Variants in WDR11 observed in about 807,000 individuals in gnomAD.
WDR11 encodes WD repeat domain 11.
In WDR11, 83 loss-of-function variants were observed where a neutral mutation model predicts 151.2. The observed-to-expected ratio is 0.55, with a 90% CI of 0.46 to 0.66. WDR11 has a LOEUF of 0.66. Among genes scored for constraint, WDR11 ranks in the 30% least tolerant of loss-of-function variants. WDR11 has a pLI of 0.00. For synonymous variants in WDR11, 484 were observed against 533.1 expected, an observed-to-expected ratio of 0.91 and a Z score of 1.27; for missense variants, 1,301 against 1,480.9, an observed-to-expected ratio of 0.88 and a Z score of 1.99.
intron 11 of WDR11, 24 bp from the exon 12 acceptor site, chr10:120,878,328 AC>A: frequency 6.5e-7 from 1 of 1,534,486 alleles, no homozygotes; most frequent in Non-Finnish European, 9.0e-7. Flanking sequence ...AATTAGTTTA[AC>A]CTTTATCTCA....
Position 120,866,673 on chromosome 10 carries a change from A to T in WDR11, c.1099A>T (p.Asn367Tyr). ...RPFSMVCCPVNENAAALVVSD... is the reference protein window; with the variant it reads ...RPFSMVCCPVYENAAALVVSD... Reference sequence around the variant, plus strand: ...CTTCAGTATGGTGTGCTGTCCTGTCAATGAGAATGCAGCCGCCCTCGTAGT... The same window carrying T: ...CTTCAGTATGGTGTGCTGTCCTGTCTATGAGAATGCAGCCGCCCTCGTAGT... The change falls in exon 8 of 29, where the codon AAT becomes TAT. Residue 367 changes from asparagine (N) to tyrosine (Y), a missense_variant. This residue lies in a region of WDR11 where 692 missense variants were observed against 762.5 expected (regional missense o/e 0.91). Coordinates refer to ENST00000263461, the MANE Select transcript of WDR11 (RefSeq NM_018117.12). 3 of 1,614,186 alleles carry T rather than the reference A, an allele frequency of 1.9e-6. No homozygotes were observed. Among genetic ancestry groups the T allele is most frequent in the Non-Finnish European group, 2.5e-6 (3 of 1,180,034 alleles).
intron 2 of WDR11, 104 bp from the exon 3 acceptor site, chr10:120,858,539 A>T: frequency 7.5e-7 from 1 of 1,339,302 alleles, no homozygotes; most frequent in Non-Finnish European, 1.1e-6. Context: ...CTAAATGTTT[A>T]TGTAATATAA....
chr10:120,878,616 G>T (rs565178892), intron 12 of WDR11, among the ~76,000 whole-genome samples, 157 bp downstream of exon 12: 8 of 152,088 alleles, frequency 5.3e-5, no homozygotes, highest in Non-Finnish European at 1.0e-4. Flanking sequence ...CCCTAGAAAG[G>T]CCTCATCATT....
chr10:120,873,839 G>A lies in WDR11; in HGVS notation c.1472G>A (p.Gly491Asp), dbSNP rs556654077. The part of the protein sequence containing the change: ...IKMYQPLLAV[G>D]TSNGSVLVYH... ...CTCTTCCATGATGTCATTTTGAAAG[G>A]TACAAGTAATGGTTCTGTCCTGGTG... The change falls in exon 11 of 29, where the codon GGT becomes GAT. Residue 491 changes from glycine to aspartate, a missense_variant and splice_region_variant. This residue lies in a region of WDR11 where 692 missense variants were observed against 762.5 expected (regional missense o/e 0.91). Coordinates refer to ENST00000263461, the MANE Select transcript of WDR11 (RefSeq NM_018117.12). The A allele has an allele frequency of 6.2e-7, 1 of 1,609,244 alleles. No homozygotes were observed. The highest frequency in any genetic ancestry group is 1.1e-5 in the South Asian group (1 of 90,966).
chr10:120,857,451 A>G (rs1186791801), intron 2 of WDR11, among the ~76,000 whole-genome samples: 1 of 152,206 alleles, frequency 6.6e-6, no homozygotes, highest in Admixed American at 6.5e-5. Flanking sequence ...ACACATATAT[A>G]CACTATACAT....
At chr10:120,874,215 TTGTTTTGTTTTG>T (rs1846671136) in intron 11 of WDR11, among the ~76,000 whole-genome samples, 1 of 126,396 alleles carries the variant, frequency 7.9e-6, no homozygotes, top group South Asian at 2.4e-4. Flanking sequence ...GTTGTTTGTT[TTGTTTTGTTTTG>T]TTTTTTTTAA....
In WDR11 at chr10:120,867,122, G is replaced by A; in HGVS notation, c.1247G>A (p.Gly416Glu). The A allele has an allele frequency of 6.2e-7, 1 of 1,613,770 alleles. No individual in the cohort carries two copies. Among genetic ancestry groups the A allele is most frequent in the South Asian group, 1.1e-5 (1 of 91,060 alleles). The part of the protein sequence containing the change: ...SPVSFCGIPV[G>E]VLQNKLPDLS... ...GTGTCTTTCTGTGGAATTCCTGTAG[G>A]AGTGCTACAGAATAAACTCCCAGAC... Residue 416 changes from glycine to glutamate, a missense_variant, in exon 9 of 29, where the codon GGA (glycine) becomes GAA (glutamate). Around this residue, in one of 3 missense-constraint regions of WDR11, gnomAD observed 692 missense variants for 762.5 expected, o/e 0.91. Transcript: ENST00000263461.
intron 11 of WDR11, among the ~76,000 whole-genome samples, chr10:120,876,121 G>A (rs1846776833): frequency 6.6e-6 from 1 of 151,724 alleles, no homozygotes. Flanking sequence ...TGGGATTACA[G>A]GTGTATGCCA....
intron 7 of WDR11, 28 bp downstream of exon 7, chr10:120,865,772 T>C (rs1271124856): frequency 6.8e-7 from 1 of 1,462,096 alleles, no homozygotes; most frequent in Non-Finnish European, 9.6e-7. Context: ...AATAATGTTA[T>C]ATTTTTCTTC....
chr10:120,868,406 G>T (rs577393262), intron 9 of WDR11, among the ~76,000 whole-genome samples: 1 of 151,916 alleles, frequency 6.6e-6, no homozygotes, highest in African/African-American at 2.4e-5. Flanking sequence ...GCAGTGAGCC[G>T]AGATTGCACC....
At position 120,852,569 on chromosome 10, in the gene WDR11, A is replaced by T. The variant is rs1564933588; in HGVS notation, c.132A>T (p.Val44=). ...LIAYGCHSLV[V]VIDSITAQTL... ...CTTATGGATGTCATTCACTTGTGGT[A>T]GTGATTGATTCCATTACTGCCCAAA... Residue 44 remains valine, a synonymous_variant, in exon 2 of 29, where the codon GTA becomes GTT. Transcript: ENST00000263461. 2 of 1,613,956 alleles carry T rather than the reference A, an allele frequency of 1.2e-6. No homozygotes were observed. The highest frequency in any genetic ancestry group is 1.3e-5 in the African/African-American group (1 of 74,918).
chr10:120,875,168 T>G lies in WDR11; in HGVS notation c.1556+1245T>G, dbSNP rs146809806. 5.3e-3 allele frequency among the ~76,000 whole-genome samples: 801 copies of G among 152,372 alleles called. 18 individuals are homozygous for G. Among genetic ancestry groups the G allele is most frequent in the African/African-American group, 0.018 (739 of 41,594 alleles). ...ACTCATTCTTTTTTATGGCTGCGTA[T>G]TTTTCATTTCTATAACGATCCATCA... is the stretch of plus-strand genomic sequence containing the variant. On this transcript the variant is annotated intron_variant, in intron 11 of 28. Coordinates refer to ENST00000263461, the MANE Select transcript of WDR11 (RefSeq NM_018117.12).
intron 1 of WDR11, chr10:120,852,073 G>C (rs1159943865): frequency 4.4e-6 from 1 of 227,544 alleles, no homozygotes; most frequent in Non-Finnish European, 8.7e-6. Flanking sequence ...TTAGACAAAT[G>C]TAAAGCAAAA....
intron 28 of WDR11, 93 bp from the exon 29 acceptor site, chr10:120,908,463 G>C (rs1848155488): frequency 1.5e-6 from 2 of 1,368,516 alleles, no homozygotes; most frequent in Non-Finnish European, 2.1e-6. Context: ...GCAGCCAGCA[G>C]AGCAGACGCG....
intron 13 of WDR11, among the ~76,000 whole-genome samples, chr10:120,883,053 G>GT (rs1240930925): frequency 6.6e-6 from 1 of 152,198 alleles, no homozygotes; most frequent in Non-Finnish European, 1.5e-5. Flanking sequence ...TCCATGGGGT[G>GT]TTATTCAGAG....
At chr10:120,866,001 T>C (rs1382489719) in intron 7 of WDR11, among the ~76,000 whole-genome samples, 7 of 152,056 alleles carry the variant, frequency 4.6e-5, no homozygotes. Flanking sequence ...CAAGTAGATA[T>C]TATTTTTTGG....
At chr10:120,882,466 T>C (rs1443404655) in intron 13 of WDR11, among the ~76,000 whole-genome samples, 2 of 151,900 alleles carry the variant, frequency 1.3e-5, no homozygotes, top group African/African-American at 2.4e-5. Context: ...TCTTACTAAA[T>C]GGGAAAAATT....
Position 120,873,574 on chromosome 10 carries a change from A to T in WDR11, c.1472-265A>T, listed in dbSNP as rs10466157. 0.31 allele frequency among the ~76,000 whole-genome samples: 47,190 copies of T among 151,966 alleles called. 7,618 individuals are homozygous for T. Among genetic ancestry groups the T allele is most frequent in the East Asian group, 0.42 (2,149 of 5,156 alleles). On this transcript the variant is annotated intron_variant, in intron 10 of 28. Coordinates refer to ENST00000263461, the MANE Select transcript of WDR11 (RefSeq NM_018117.12). ...GTTTCTTCAAATTGTATGTGTATTA[A>T]TGTAAGTTTTAAGGTCTTTCTGTGA...
intron 6 of WDR11, 53 bp from the exon 7 acceptor site, chr10:120,865,577 A>C (rs921409460): frequency 8.1e-7 from 1 of 1,235,308 alleles, no homozygotes; most frequent in African/African-American, 1.5e-5. Flanking sequence ...TTCACAGTAT[A>C]TACTTTATTA....
Sources: gnomAD v4.1 joint callset for allele counts (sites outside exome capture counted in the v4.1 genomes callset) on GRCh38, gnomAD v4.1.1 for gene constraint, gnomAD v4.1.1 regional missense constraint, MANE v1.5 for transcripts, NCBI Gene and HGNC (gene_info 2026-07-23, HGNC 2026-07-21) for gene names.